The following IFRD2 variants were observed in gnomAD, a reference collection of about 807,000 sequenced individuals.
IFRD2 encodes interferon related developmental regulator 2.
Under a neutral mutation model 49.2 loss-of-function variants are expected in IFRD2, and 35 were observed. The ratio of observed to expected loss-of-function variants is 0.71; its 90% CI spans 0.54 to 0.94. IFRD2 has a LOEUF of 0.94. Ranked by LOEUF, IFRD2 falls within the 40% of genes least tolerant of loss-of-function variation. IFRD2 has a pLI of 0.00. For missense variants in IFRD2, 561 were observed against 591.6 expected (o/e 0.95, Z 0.54); for synonymous variants, 275 against 239.7 (o/e 1.15, Z -1.36).
Position 50,290,565 on chromosome 3 carries a change from C to T in IFRD2, c.173G>A (p.Ser58Asn). Residue 58 changes from serine (S) to asparagine (N), a missense_variant, in exon 2 of 12, where the codon AGC (serine) becomes AAC (asparagine). Physicochemically the swap from Ser to Asn is conservative, Grantham distance 46 (BLOSUM62 1). Coordinates refer to ENST00000417626, the MANE Select transcript of IFRD2 (RefSeq NM_006764.5). ...PSLLSTTAED[S>N]LGGDVVDEQG... ...AAACTTCCACCCGCTCTCACCAAGGCTGTCCTCTGCAGTGGTGCTGAGAAG... is the reference window on the plus strand; with the variant it reads ...AAACTTCCACCCGCTCTCACCAAGGTTGTCCTCTGCAGTGGTGCTGAGAAG... 6.2e-7 allele frequency: 1 copy of T among 1,613,966 alleles called. No homozygotes were observed. Among genetic ancestry groups the T allele is most frequent in the Non-Finnish European group, 8.5e-7 (1 of 1,179,872 alleles).
Position 50,290,359 on chromosome 3 carries a change from T to G in IFRD2, c.263+29A>C, listed in dbSNP as rs782790588. 23 of 1,594,554 alleles carry G rather than the reference T, an allele frequency of 1.4e-5. No individual in the cohort carries two copies. The East Asian group carries it at 4.5e-4, about 31-fold the overall frequency. On this transcript the variant is annotated intron_variant, in intron 3 of 11. Coordinates refer to ENST00000417626, the MANE Select transcript of IFRD2 (RefSeq NM_006764.5). ...TCCCTTGATCACACTTGGAGCTGGG[T>G]GTAGGAGTTGGCTGGCAGCCAGGGG...
intron 1 of IFRD2, 50 bp from the exon 2 acceptor site, chr3:50,290,729 G>A: frequency 6.3e-7 from 1 of 1,596,952 alleles, no homozygotes; most frequent in African/African-American, 1.3e-5. Flanking sequence ...GATGAGGGAT[G>A]GCTGGGGGTA....
At chr3:50,288,359 C>T (rs1553708934) in intron 11 of IFRD2, 50 bp downstream of exon 11, 1 of 1,605,044 alleles carries the variant, frequency 6.2e-7, no homozygotes. Flanking sequence ...AATTCCAGGC[C>T]TCCAGGAAAT....
chr3:50,291,925 T>A, intron 1 of IFRD2: 1 of 438,700 alleles, frequency 2.3e-6, no homozygotes, highest in Non-Finnish European at 4.0e-6. Context: ...ACTGGCTTCC[T>A]GCCCTGTCCG....
intron 5 of IFRD2, 54 bp downstream of exon 5, chr3:50,289,875 C>T (rs1442242384): frequency 3.7e-6 from 6 of 1,606,928 alleles, no homozygotes; most frequent in Non-Finnish European, 5.1e-6. Flanking sequence ...GAACCCACCA[C>T]TCTGCTGAGG....
intron 1 of IFRD2, chr3:50,291,990 C>T (rs1462166533): frequency 3.7e-6 from 2 of 535,548 alleles, no homozygotes; most frequent in Non-Finnish European, 6.4e-6. Context: ...GCCGGGTCAC[C>T]GCTGGGAGCG....
intron 6 of IFRD2, 23 bp from the exon 7 acceptor site, chr3:50,289,651 G>C: frequency 1.3e-6 from 2 of 1,596,798 alleles, no homozygotes; most frequent in Non-Finnish European, 1.7e-6. Flanking sequence ...AGAGGCAGGG[G>C]AGCTCAGAGG....
Position 50,288,867 on chromosome 3 carries a change from T to G in IFRD2, c.956A>C (p.Lys319Thr), listed in dbSNP as rs782224256. ...CCGACGATCAGCCTTGGCACGGTAC[T>G]TGTTACTGTCAGTGGCCAGAGTGCG... Reference protein sequence around the residue: ...VLRTLATDSNKYRAKADRRRQ... With the variant: ...VLRTLATDSNTYRAKADRRRQ... The change falls in exon 9 of 12, where the codon AAG (lysine) becomes ACG (threonine). Residue 319 changes from lysine to threonine, a missense_variant. Lys to Thr is a moderately conservative substitution (Grantham distance 78). Transcript: ENST00000417626. 2 of 1,613,610 alleles carry G rather than the reference T, an allele frequency of 1.2e-6. No homozygotes were observed. The highest frequency in any genetic ancestry group is 8.5e-7 in the Non-Finnish European group (1 of 1,179,712).
intron 1 of IFRD2, among the ~76,000 whole-genome samples, chr3:50,291,278 G>A (rs1701667710): frequency 6.6e-6 from 1 of 152,050 alleles, no homozygotes; most frequent in South Asian, 2.1e-4. Context: ...CCAAAGTGCT[G>A]GGATTACAGG....
Position 50,288,424 on chromosome 3 carries a change from A to T in IFRD2, c.1233T>A (p.Val411=), listed in dbSNP as rs1002747349. 1.2e-6 allele frequency: 2 copies of T among 1,613,334 alleles called. No individual in the cohort carries two copies. Among genetic ancestry groups the T allele is most frequent in the Non-Finnish European group, 1.7e-6 (2 of 1,179,592 alleles). ...LDATALKACK[V]PRFEKHLYNA... is the part of the protein sequence containing the mutation. Reference sequence around the variant, plus strand: ...GGGTGCAAACCTTCTCAAAGCGTGGAACCTTGCAGGCCTTCAGGGCAGTGG... The same window carrying T: ...GGGTGCAAACCTTCTCAAAGCGTGGTACCTTGCAGGCCTTCAGGGCAGTGG... The change falls in exon 11 of 12, where the codon GTT becomes GTA. Residue 411 remains valine (V), a synonymous_variant. Transcript: ENST00000417626.
chr3:50,288,608 C>T lies in IFRD2; in HGVS notation c.1127G>A (p.Gly376Asp), dbSNP rs1553709001. ...RIYAAFKEVL[G>D]SGMHHHLQNN... ...CTGGAGGTGGTGGTGCATGCCCGAACCCAGCACTTCCTTGAAGGCAGCGTA... is the reference window on the plus strand; with the variant it reads ...CTGGAGGTGGTGGTGCATGCCCGAATCCAGCACTTCCTTGAAGGCAGCGTA... Residue 376 changes from glycine (G) to aspartate (D), a missense_variant, in exon 10 of 12, where the codon GGT becomes GAT. Coordinates refer to ENST00000417626, the MANE Select transcript of IFRD2 (RefSeq NM_006764.5). 4.3e-6 allele frequency: 7 copies of T among 1,613,934 alleles called. No individual in the cohort carries two copies. The highest frequency in any genetic ancestry group is 5.9e-6 in the Non-Finnish European group (7 of 1,179,884).
chr3:50,290,355 TG>T, intron 3 of IFRD2, 32 bp downstream of exon 3: 1 of 1,597,546 alleles, frequency 6.3e-7, no homozygotes, highest in South Asian at 1.1e-5. Context: ...CACTTGGAGC[TG>T]GGTGTAGGAG....
Position 50,289,352 on chromosome 3 carries a change from G to A in IFRD2, c.788C>T (p.Pro263Leu). ...ACTGGACAAGAGCTGGGGCAGCCGG[G>A]GCAGCTGCCTAGGGAAGGGGCAGGC... ...QISHILDRQL[P>L]RLPQLLSSES... The change falls in exon 8 of 12, where the codon CCC (proline) becomes CTC (leucine). Residue 263 changes from proline (P) to leucine (L), a missense_variant. Pro to Leu is a moderately conservative substitution (Grantham distance 98, BLOSUM62 -3). Transcript: ENST00000417626. The A allele has an allele frequency of 6.3e-7, 1 of 1,597,768 alleles. No homozygotes were observed. The highest frequency in any genetic ancestry group is 8.5e-7 in the Non-Finnish European group (1 of 1,172,230).
Position 50,288,603 on chromosome 3 carries a change from C to A in IFRD2, c.1132G>T (p.Gly378Cys), listed in dbSNP as rs1701606489. The A allele has an allele frequency of 1.2e-6, 2 of 1,613,788 alleles. No individual in the cohort carries two copies. Among genetic ancestry groups the A allele is most frequent in the African/African-American group, 2.7e-5 (2 of 74,910 alleles). Reference sequence around the variant, plus strand: ...CGCACCTGGAGGTGGTGGTGCATGCCCGAACCCAGCACTTCCTTGAAGGCA... The same window carrying A: ...CGCACCTGGAGGTGGTGGTGCATGCACGAACCCAGCACTTCCTTGAAGGCA... Reference protein sequence around the residue: ...YAAFKEVLGSGMHHHLQNNEL... With the variant: ...YAAFKEVLGSCMHHHLQNNEL... Residue 378 changes from glycine (G) to cysteine (C), a missense_variant, in exon 10 of 12, where the codon GGC becomes TGC. Coordinates refer to ENST00000417626, the MANE Select transcript of IFRD2 (RefSeq NM_006764.5).
chr3:50,290,766 G>A, intron 1 of IFRD2, 87 bp from the exon 2 acceptor site: 2 of 1,514,230 alleles, frequency 1.3e-6, no homozygotes, highest in South Asian at 1.2e-5. Flanking sequence ...AATCCCAAAA[G>A]ATAGAATGGT....
At chr3:50,289,400 G>T in intron 7 of IFRD2, 40 bp from the exon 8 acceptor site, 2 of 1,570,284 alleles carry the variant, frequency 1.3e-6, no homozygotes, top group Non-Finnish European at 1.7e-6. Context: ...GTGGCTTGGG[G>T]GCCTCTTTGA....
chr3:50,292,064 G>A (rs1254666713), intron 1 of IFRD2, 153 bp downstream of exon 1: 3 of 829,664 alleles, frequency 3.6e-6, no homozygotes, highest in African/African-American at 1.8e-5. Context: ...AATGACTGCT[G>A]GGGCACGTGC....
chr3:50,292,404 A>G lies in IFRD2; in HGVS notation c.-130T>C. On this transcript the variant is annotated 5_prime_UTR_variant, in exon 1 of 12. Transcript: ENST00000417626. ...ACGGGAGCCACACGCCACGCGCGCC[A>G]CCATCTTCGCGAGGCGCCCCGCCCT... 1 of 1,593,732 alleles carries G rather than the reference A, an allele frequency of 6.3e-7. No homozygotes were observed. The highest frequency in any genetic ancestry group is 1.3e-5 in the African/African-American group (1 of 74,740).
chr3:50,291,488 G>A (rs781823225), intron 1 of IFRD2, among the ~76,000 whole-genome samples: 2 of 152,068 alleles, frequency 1.3e-5, no homozygotes, highest in East Asian at 1.9e-4. Context: ...TAAGTCTGGG[G>A]CTGACACCAC....
Sources: allele counts gnomAD v4.1 joint callset (sites outside exome capture counted in the v4.1 genomes callset), GRCh38; gene constraint gnomAD v4.1.1; transcripts MANE v1.5; gene names NCBI Gene and HGNC (gene_info 2026-07-23, HGNC 2026-07-21).